The following ZSWIM4 variants were observed in gnomAD, a reference collection of about 807,000 sequenced individuals.
ZSWIM4 encodes zinc finger SWIM domain-containing protein 4.
ZSWIM4 carries 62 observed loss-of-function variants against 102.5 expected under a neutral mutation model. The ratio of observed to expected loss-of-function variants is 0.60; its 90% confidence interval spans 0.49 to 0.75. ZSWIM4 has a LOEUF of 0.75. Ranked by LOEUF, ZSWIM4 falls within the 30% of genes least tolerant of loss-of-function variation. The pLI is 0.00. For synonymous variants in ZSWIM4, 652 were observed against 674.5 expected, an observed-to-expected ratio of 0.97 and a Z score of 0.52; for missense variants, 1,280 against 1,529.6, an observed-to-expected ratio of 0.84 and a Z score of 2.72.
At chr19:13,806,416 C>A (rs997873474) in intron 3 of ZSWIM4, among the ~76,000 whole-genome samples, 1 of 151,818 alleles carries the variant, frequency 6.6e-6, no homozygotes, top group African/African-American at 2.4e-5. Flanking sequence ...ACCTATAATC[C>A]CAGCATTTGG....
chr19:13,804,648 A>G, intron 2 of ZSWIM4, 144 bp from the exon 3 acceptor site: 1 of 511,754 alleles, frequency 2.0e-6, no homozygotes, highest in Non-Finnish European at 3.2e-6. Flanking sequence ...TTTTGTTTCA[A>G]AAAAAAAAAA....
rs1449535839 is a variant in ZSWIM4 at position 13,830,753 on chromosome 19, C to G, written c.3024C>G (p.Pro1008=). The change falls in exon 14 of 14, where the codon CCC becomes CCG. Residue 1008 remains proline (P), a synonymous_variant. Coordinates refer to ENST00000590508, the MANE Select transcript of ZSWIM4 (RefSeq NM_001367834.3). ...DILRRWTLSA[P]GLGPLGARRA... ...TGCGCCGCTGGACTCTCTCGGCGCC[C>G]GGTCTGGGCCCCTTAGGGGCACGCC... 3 of 1,606,652 alleles carry G rather than the reference C, an allele frequency of 1.9e-6. No homozygotes were observed. The highest frequency in any genetic ancestry group is 8.5e-7 in the Non-Finnish European group (1 of 1,176,822).
At chr19:13,798,981 G>T (rs978797667) in intron 1 of ZSWIM4, among the ~76,000 whole-genome samples, 2 of 151,802 alleles carry the variant, frequency 1.3e-5, no homozygotes, top group East Asian at 3.9e-4. Context: ...TAGAGACGGG[G>T]TTTCGCCATG....
chr19:13,830,528 G>A lies in ZSWIM4; in HGVS notation c.2799G>A (p.Gly933=). ...FTVARYMEHR[G]LPLRAYKLAT... ...TGGCCCGCTATATGGAGCACCGCGGGCTGCCGCTCCGGGCCTACAAGCTGG... is the reference window on the plus strand; with the variant it reads ...TGGCCCGCTATATGGAGCACCGCGGACTGCCGCTCCGGGCCTACAAGCTGG... Residue 933 remains glycine (G), a synonymous_variant, in exon 14 of 14, where the codon GGG becomes GGA. Coordinates refer to ENST00000590508, the MANE Select transcript of ZSWIM4 (RefSeq NM_001367834.3). The A allele has an allele frequency of 1.3e-6, 2 of 1,599,494 alleles. No homozygotes were observed. Among genetic ancestry groups the A allele is most frequent in the Non-Finnish European group, 1.7e-6 (2 of 1,179,368 alleles).
At chr19:13,801,030 G>C (rs1307827513) in intron 2 of ZSWIM4, among the ~76,000 whole-genome samples, 1 of 151,864 alleles carries the variant, frequency 6.6e-6, no homozygotes, top group Non-Finnish European at 1.5e-5. Flanking sequence ...GTGGTCCCAG[G>C]TACATGGGAG....
In ZSWIM4 at chr19:13,830,262, G is replaced by A. The variant is rs556579946; in HGVS notation, c.2533G>A (p.Val845Met). The change falls in exon 14 of 14, where the codon GTG (valine) becomes ATG (methionine). Residue 845 changes from valine (V) to methionine (M), a missense_variant. Coordinates refer to ENST00000590508, the MANE Select transcript of ZSWIM4 (RefSeq NM_001367834.3). ...CACACCAGTGGAGGCGGCTACCATC[G>A]TGGCAGTGACGGGCACCACACACGC... Reference protein sequence around the residue: ...LFTPVEAATIVAVTGTTHATL... With the variant: ...LFTPVEAATIMAVTGTTHATL... 2 of 1,613,964 alleles carry A rather than the reference G, an allele frequency of 1.2e-6. No homozygotes were observed. Among genetic ancestry groups the A allele is most frequent in the East Asian group, 2.2e-5 (1 of 44,884 alleles).
chr19:13,817,637 C>T (rs572106848), intron 8 of ZSWIM4, 85 bp from the exon 9 acceptor site: 2 of 1,513,778 alleles, frequency 1.3e-6, no homozygotes, highest in East Asian at 2.3e-5. Flanking sequence ...ACCCTGCGCC[C>T]AGGTCTCCAT....
At chr19:13,812,922 CA>C in intron 5 of ZSWIM4, 74 bp from the exon 6 acceptor site, 1 of 1,473,312 alleles carries the variant, frequency 6.8e-7, no homozygotes, top group Non-Finnish European at 9.2e-7. Flanking sequence ...TCAGGTGGCA[CA>C]CAGTGGGCAC....
intron 1 of ZSWIM4, 133 bp from the exon 2 acceptor site, chr19:13,799,586 TA>T (rs1381928961): frequency 2.3e-6 from 2 of 871,066 alleles, no homozygotes; most frequent in Non-Finnish European, 3.7e-6. Context: ...AGTTTTTTTG[TA>T]AAGATGGGAG....
At position 13,817,803 on chromosome 19, in the gene ZSWIM4, C is replaced by G. The variant is rs1183415050; in HGVS notation, c.1751C>G (p.Ala584Gly). 1 of 1,588,372 alleles carries G rather than the reference C, an allele frequency of 6.3e-7. No homozygotes were observed. Among genetic ancestry groups the G allele is most frequent in the East Asian group, 2.3e-5 (1 of 43,990 alleles). Residue 584 changes from alanine (A) to glycine (G), a missense_variant, in exon 9 of 14, where the codon GCG (alanine) becomes GGG (glycine). Transcript: ENST00000590508. ...CCTGGGGAGTCCTACTTGGTGCTGG[C>G]GCTGGAGGTGGCACTGCTGGGGCTG... ...GSPGESYLVL[A>G]LEVALLGLGQ...
chr19:13,823,272 A>G (rs982301844), intron 10 of ZSWIM4, 74 bp from the exon 11 acceptor site: 1 of 1,497,884 alleles, frequency 6.7e-7, no homozygotes, highest in Non-Finnish European at 9.0e-7. Context: ...CTGGGCCAGG[A>G]GGCTTCTCTG....
At position 13,825,611 on chromosome 19, in the gene ZSWIM4, C is replaced by T. The variant is rs1444377623; in HGVS notation, c.2277C>T (p.Ala759=). 2 of 1,614,200 alleles carry T rather than the reference C, an allele frequency of 1.2e-6. No individual in the cohort carries two copies. Among genetic ancestry groups the T allele is most frequent in the Non-Finnish European group, 1.7e-6 (2 of 1,180,046 alleles). The change falls in exon 12 of 14, where the codon GCC becomes GCT. Residue 759 remains alanine, a synonymous_variant. Transcript: ENST00000590508. This position sits in a 1 kb window ranked among gnomAD's most constrained non-coding sequence, Gnocchi z 4.6. ...GSIQQNIHSP[A]LLFKLAQDAC... The stretch of plus-strand genomic sequence containing the variant: ...TCCAGCAGAACATCCACTCTCCGGC[C>T]CTGCTCTTTAAGCTGGCGCAGGACG...
rs767000020 is a variant in ZSWIM4 at position 13,831,036 on chromosome 19, G to A, written c.3307G>A (p.Glu1103Lys). 1 of 1,591,810 alleles carries A rather than the reference G, an allele frequency of 6.3e-7. No individual in the cohort carries two copies. The highest frequency in any genetic ancestry group is 1.1e-5 in the South Asian group (1 of 88,696). The change falls in exon 14 of 14, where the codon GAG becomes AAG. Residue 1103 changes from glutamate to lysine, a missense_variant. Coordinates refer to ENST00000590508, the MANE Select transcript of ZSWIM4 (RefSeq NM_001367834.3). ...GKKKLMLLVR[E>K]RFG ...GAAGAAACTCATGCTTTTGGTGCGG[G>A]AGCGTTTTGGTTGAGGGACAGTGGG...
At chr19:13,816,810 A>G (rs1323482995) in intron 7 of ZSWIM4, among the ~76,000 whole-genome samples, 1 of 152,068 alleles carries the variant, frequency 6.6e-6, no homozygotes, top group Non-Finnish European at 1.5e-5. Flanking sequence ...GTATATGGAA[A>G]AACTTCATAC....
rs750229248 is a variant in ZSWIM4 at position 13,800,244 on chromosome 19, C to CTT, written c.355+361_355+362dup. 2.5e-4 allele frequency among the ~76,000 whole-genome samples: 7 copies of CTT among 27,510 alleles called. 2 individuals are homozygous for CTT. The highest frequency in any genetic ancestry group is 3.9e-4 in the Non-Finnish European group (5 of 12,736). 18.0% of individuals were successfully genotyped at this position (27,510 alleles called of 152,430 possible). On this transcript the variant is annotated intron_variant, in intron 2 of 13. Coordinates refer to ENST00000590508, the MANE Select transcript of ZSWIM4 (RefSeq NM_001367834.3). ...CGCGCCCAGCTAATTTTTTGTATTT[C>CTT]TTTTTTTTTTTTTTTTTTTTTTTTT...
intron 9 of ZSWIM4, among the ~76,000 whole-genome samples, 159 bp from the exon 10 acceptor site, chr19:13,819,198 A>G (rs1380887916): frequency 6.6e-6 from 1 of 152,158 alleles, no homozygotes; most frequent in African/African-American, 2.4e-5. Context: ...AGATTGCCTC[A>G]GTCTCAGACC....
Position 13,809,269 on chromosome 19 carries a change from A to G in ZSWIM4, c.1012+49A>G, listed in dbSNP as rs1251476473. The G allele has an allele frequency of 5.2e-6, 8 of 1,549,936 alleles. No homozygotes were observed. The South Asian group carries it at 5.9e-5, about 11-fold the overall frequency. On this transcript the variant is annotated intron_variant, in intron 5 of 13. Coordinates refer to ENST00000590508, the MANE Select transcript of ZSWIM4 (RefSeq NM_001367834.3). This position sits in a 1 kb window ranked among gnomAD's most constrained non-coding sequence, Gnocchi z 4.2. ...GGTGGACACCGGGACTTCGGCTCCC[A>G]TGGGGGCTGGCCCACTCCAAGATTA... is the stretch of plus-strand genomic sequence containing the variant.
rs1974591865 is a variant in ZSWIM4, at chr19:13,795,720, G to A, written c.72G>A (p.Gly24=). 1 of 1,210,140 alleles carries A rather than the reference G, an allele frequency of 8.3e-7. No homozygotes were observed. Among genetic ancestry groups the A allele is most frequent in the South Asian group, 4.1e-5 (1 of 24,152 alleles). The allele number at this position is 1,210,140 out of a possible 1,614,324, so 75.0% of individuals were successfully genotyped here. Residue 24 remains glycine (G), a synonymous_variant, in exon 1 of 14, where the codon GGG becomes GGA. Coordinates refer to ENST00000590508, the MANE Select transcript of ZSWIM4 (RefSeq NM_001367834.3). ...CCGAGGAGCGCGATGCCGGGGCCGG[G>A]GCCGCGCGTGGCCGGGGCCGGCCCG... ...AGPEERDAGA[G]AARGRGRPEA... is the part of the protein sequence containing the mutation.
intron 5 of ZSWIM4, 36 bp from the exon 6 acceptor site, chr19:13,812,961 T>C: frequency 6.4e-7 from 1 of 1,567,146 alleles, no homozygotes; most frequent in Non-Finnish European, 8.7e-7. Flanking sequence ...CTGCCACTGT[T>C]GGCAGGAATA....
Sources: gnomAD v4.1 joint callset for allele counts (sites outside exome capture counted in the v4.1 genomes callset) on GRCh38, gnomAD v4.1.1 for gene constraint, Gnocchi (gnomAD v3.1) non-coding constraint, MANE v1.5 for transcripts, NCBI Gene and HGNC (gene_info 2026-07-23, HGNC 2026-07-21) for gene names.